GMDS: variants seen among roughly 807,000 people sequenced by gnomAD.
The protein encoded by GMDS is GDP-mannose 4,6 dehydratase.
Under a neutral mutation model 49.9 loss-of-function variants are expected in GMDS, and 20 were observed. That is an observed-to-expected ratio of 0.40 (90% confidence interval 0.28 to 0.58). GMDS has a LOEUF of 0.58. GMDS is among the 20% of genes least tolerant of loss of function. The pLI is 0.42. For missense variants in GMDS, 362 were observed against 481.4 expected (o/e 0.75, Z 2.32); for synonymous variants, 177 against 178.6 (o/e 0.99, Z 0.07).
At chr6:1,760,305 T>C (rs1379245426) in intron 7 of GMDS, among the ~76,000 whole-genome samples, 1 of 152,104 alleles carries the variant, frequency 6.6e-6, no homozygotes, top group African/African-American at 2.4e-5. Context: ...GGACCACGAG[T>C]ATATGGGACC....
At chr6:1,970,121 A>G (rs1303480664) in intron 4 of GMDS, among the ~76,000 whole-genome samples, 1 of 152,250 alleles carries the variant, frequency 6.6e-6, no homozygotes, top group African/African-American at 2.4e-5. Flanking sequence ...TCGGAAAAAG[A>G]GATCTGTCTG....
intron 9 of GMDS, among the ~76,000 whole-genome samples, chr6:1,687,520 G>T (rs1157769553): frequency 2.0e-5 from 3 of 152,140 alleles, no homozygotes; most frequent in African/African-American, 7.2e-5. Flanking sequence ...CCTCCACTCA[G>T]CAGGCCATCA....
intron 1 of GMDS, among the ~76,000 whole-genome samples, chr6:2,203,553 T>A (rs1779648798): frequency 6.6e-6 from 1 of 152,212 alleles, no homozygotes; most frequent in East Asian, 1.9e-4. Context: ...GTGTGAATAC[T>A]GGTGTGACAT....
At chr6:1,641,689 C>A (rs1463797812) in intron 9 of GMDS, among the ~76,000 whole-genome samples, 5 of 151,670 alleles carry the variant, frequency 3.3e-5, no homozygotes, top group African/African-American at 1.2e-4. Context: ...GTACAGCTCG[C>A]GTCTCTCGGA....
At chr6:1,768,741 T>C (rs893137939) in intron 7 of GMDS, among the ~76,000 whole-genome samples, 1 of 152,270 alleles carries the variant, frequency 6.6e-6, no homozygotes, top group African/African-American at 2.4e-5. Context: ...AAAACATTTC[T>C]GTTCCCAAGC....
chr6:1,817,582 G>C (rs912387966), intron 7 of GMDS, among the ~76,000 whole-genome samples: 3 of 152,118 alleles, frequency 2.0e-5, no homozygotes, highest in Non-Finnish European at 4.4e-5. Context: ...TATAACATGG[G>C]TCACTGAAAA....
At chr6:1,641,968 A>C (rs988724766) in intron 9 of GMDS, among the ~76,000 whole-genome samples, 38 of 152,048 alleles carry the variant, frequency 2.5e-4, no homozygotes, top group Admixed American at 2.4e-3. Context: ...ACCCCGAAGA[A>C]GGCCCTCGTT....
intron 6 of GMDS, among the ~76,000 whole-genome samples, chr6:1,938,322 C>A (rs191164206): frequency 4.1e-4 from 62 of 152,296 alleles, no homozygotes; most frequent in African/African-American, 1.4e-3. Context: ...CCTTTGTCAT[C>A]ATTCTTTCTT....
chr6:1,795,327 C>T (rs1769697387), intron 7 of GMDS, among the ~76,000 whole-genome samples: 1 of 152,176 alleles, frequency 6.6e-6, no homozygotes, highest in Non-Finnish European at 1.5e-5. Flanking sequence ...ATATCTAAAA[C>T]CCACAAGGCA....
chr6:1,914,130 T>TG (rs1554132869), intron 7 of GMDS, among the ~76,000 whole-genome samples: 1 of 134,940 alleles, frequency 7.4e-6, no homozygotes, highest in African/African-American at 2.9e-5. Context: ...GTTTTTTGTT[T>TG]GTTTTTTTTT....
chr6:1,892,351 C>A (rs1376974463), intron 7 of GMDS, among the ~76,000 whole-genome samples: 1 of 152,084 alleles, frequency 6.6e-6, no homozygotes, highest in Admixed American at 6.5e-5. Flanking sequence ...TACCATAAAT[C>A]CACTTTTAAT....
At chr6:1,696,484 T>C (rs996917615) in intron 9 of GMDS, among the ~76,000 whole-genome samples, 2 of 152,224 alleles carry the variant, frequency 1.3e-5, no homozygotes, top group African/African-American at 4.8e-5. Context: ...TTCCTCGAGT[T>C]GATGTGCCAA....
chr6:2,084,577 A>G (rs7750597), intron 4 of GMDS, among the ~76,000 whole-genome samples: 91,092 of 151,668 alleles, frequency 0.6, 27,481 homozygotes, highest in East Asian at 0.71. Context: ...CGCGATCTTG[A>G]CTCACTGCAA....
At position 2,245,084 on chromosome 6, in the gene GMDS, C is replaced by T. The variant is rs560784398; in HGVS notation, c.102+237G>A. 1.9e-3 allele frequency among the ~76,000 whole-genome samples: 297 copies of T among 152,322 alleles called. 3 individuals carry two copies. Among genetic ancestry groups the T allele is most frequent in the African/African-American group, 6.7e-3 (278 of 41,576 alleles). ...CCGGGTGTGAGCGCGACATCCCGCG[C>T]GGCACACACGCTCACAGCCCCCAGA... On this transcript the variant is annotated intron_variant, in intron 1 of 10. Transcript: ENST00000380815.
At chr6:1,983,794 T>C (rs867591872) in intron 4 of GMDS, among the ~76,000 whole-genome samples, 1 of 152,120 alleles carries the variant, frequency 6.6e-6, no homozygotes, top group Non-Finnish European at 1.5e-5. Flanking sequence ...AGTTCAACCA[T>C]TGTGGAAGAC....
At chr6:1,903,434 G>A (rs943048005) in intron 7 of GMDS, among the ~76,000 whole-genome samples, 2 of 152,154 alleles carry the variant, frequency 1.3e-5, no homozygotes, top group African/African-American at 4.8e-5. Context: ...GGAAGACCTG[G>A]ATAAGTCCTA....
In GMDS at chr6:2,194,651, C is replaced by T. The variant is rs536028225; in HGVS notation, c.102+50670G>A. ...ACAATTAAGGTTAAAAAGTGCTACA[C>T]GCACACACTTTTTGGTTATTTTATT... On this transcript the variant is annotated intron_variant, in intron 1 of 10. Coordinates refer to ENST00000380815, the MANE Select transcript of GMDS (RefSeq NM_001500.4). 3.0e-4 allele frequency among the ~76,000 whole-genome samples: 45 copies of T among 152,316 alleles called. 1 individual carries two copies. The South Asian group carries it at 5.0e-3, about 17-fold the overall frequency.
intron 4 of GMDS, among the ~76,000 whole-genome samples, chr6:2,108,761 A>G (rs541770000): frequency 6.6e-6 from 1 of 152,154 alleles, no homozygotes; most frequent in Non-Finnish European, 1.5e-5. Flanking sequence ...TTCTCAGCTT[A>G]GTAGTGTGAC....
At chr6:1,827,076 ATATGTGTGTGTGTG>A (rs753948353) in intron 7 of GMDS, among the ~76,000 whole-genome samples, 145 of 111,210 alleles carry the variant, frequency 1.3e-3, no homozygotes, top group South Asian at 2.3e-3. Context: ...AAAAAAATAT[ATATGTGTGTGTGTG>A]TGTGTGTGTG....
Sources: allele counts gnomAD v4.1 joint callset (sites outside exome capture counted in the v4.1 genomes callset), GRCh38; gene constraint gnomAD v4.1.1; transcripts MANE v1.5; gene names NCBI Gene and HGNC (gene_info 2026-07-23, HGNC 2026-07-21).